GSTCD: variants seen among roughly 807,000 people sequenced by gnomAD.
GSTCD encodes the protein glutathione S-transferase C-terminal domain containing.
In GSTCD, 44 loss-of-function variants were observed where a neutral mutation model predicts 68.3. That is an observed-to-expected ratio of 0.64 (90% CI 0.51 to 0.83). GSTCD has a LOEUF of 0.83. Ranked by LOEUF, GSTCD falls within the 40% of genes least tolerant of loss-of-function variation. The pLI is 0.00. For synonymous variants in GSTCD, 273 were observed against 255.2 expected (o/e 1.07, Z -0.67); for missense variants, 739 against 735.9 (o/e 1.00, Z -0.05).
intron 7 of GSTCD, chr4:105,823,690 CAAAA>C (rs575003488): frequency 9.8e-5 from 10 of 101,844 alleles, no homozygotes; most frequent in South Asian, 6.0e-4. Context: ...TTTTTTAAAG[CAAAA>C]AAAAAAAAAA....
chr4:105,726,603 G>A lies in GSTCD; in HGVS notation c.919G>A (p.Glu307Lys). ...GGTAATTATCAGCAGGAAATTTTCT[G>A]AGAAGCTGGTAGAATTTCCATTGCT... is the stretch of plus-strand genomic sequence containing the variant. ...FLVIISRKFS[E>K]KLVEFPLLAS... Residue 307 changes from glutamate (E) to lysine (K), a missense_variant, in exon 4 of 12, where the codon GAG (glutamate) becomes AAG (lysine). Glu to Lys is a moderately conservative substitution (Grantham distance 56). Coordinates refer to ENST00000515279, the MANE Select transcript of GSTCD (RefSeq NM_001370181.1). 1.2e-6 allele frequency: 2 copies of A among 1,600,292 alleles called. No homozygotes were observed. Among genetic ancestry groups the A allele is most frequent in the Non-Finnish European group, 1.7e-6 (2 of 1,172,324 alleles).
At chr4:105,759,325 A>G (rs1223439603) in intron 5 of GSTCD, among the ~76,000 whole-genome samples, 10 of 151,980 alleles carry the variant, frequency 6.6e-5, no homozygotes, top group Non-Finnish European at 2.9e-5. Context: ...TATTATTATT[A>G]TTATTAAAAG....
At chr4:105,826,623 A>T (rs906479597) in intron 8 of GSTCD, among the ~76,000 whole-genome samples, 1 of 152,120 alleles carries the variant, frequency 6.6e-6, no homozygotes, top group Admixed American at 6.5e-5. Flanking sequence ...ATATGTGAAC[A>T]TTGTTAAGAC....
At chr4:105,736,415 T>C (rs1217102262) in intron 5 of GSTCD, among the ~76,000 whole-genome samples, 1 of 152,072 alleles carries the variant, frequency 6.6e-6, no homozygotes, top group African/African-American at 2.4e-5. Flanking sequence ...AGCATTGGTT[T>C]TTCAGCTTCA....
At chr4:105,807,069 T>A (rs1204650158) in intron 5 of GSTCD, 1 of 152,160 alleles carries the variant, frequency 6.6e-6, no homozygotes, top group African/African-American at 2.4e-5. Context: ...TTCCTCTACT[T>A]TCTTCTTCCA....
In GSTCD at chr4:105,845,828, A is replaced by G; in HGVS notation, c.*251A>G. On this transcript the variant is annotated 3_prime_UTR_variant, in exon 12 of 12. Transcript: ENST00000515279. ...CCCCTGAAGTCTCAGCTGCCAAAAG[A>G]ATAATACTAGTGGAGGTTCCATCAC... 2 of 452,968 alleles carry G rather than the reference A, an allele frequency of 4.4e-6. No homozygotes were observed. Among genetic ancestry groups the G allele is most frequent in the Non-Finnish European group, 8.1e-6 (2 of 248,270 alleles). The allele number at this position is 452,968 out of a possible 1,614,324, so 28.1% of individuals were successfully genotyped here. A position where few individuals can be genotyped will look rare whatever the true frequency, so the allele number is the denominator to read the frequency against.
intron 5 of GSTCD, among the ~76,000 whole-genome samples, chr4:105,807,909 A>G (rs915992216): frequency 2.6e-5 from 4 of 152,128 alleles, no homozygotes; most frequent in Admixed American, 6.6e-5. Context: ...GATGATTTCT[A>G]TGCAAATCAG....
At chr4:105,794,751 T>C (rs575406275) in intron 5 of GSTCD, among the ~76,000 whole-genome samples, 5 of 152,002 alleles carry the variant, frequency 3.3e-5, no homozygotes, top group African/African-American at 1.2e-4. Flanking sequence ...GTCTTTTGCA[T>C]TTCCAAAATT....
Position 105,726,799 on chromosome 4 carries a change from G to T in GSTCD, c.1115G>T (p.Gly372Val), listed in dbSNP as rs1438944293. The change falls in exon 4 of 12, where the codon GGA becomes GTA. Residue 372 changes from glycine (G) to valine (V), a missense_variant. By Grantham distance (109) the Gly-to-Val change is moderately radical. Coordinates refer to ENST00000515279, the MANE Select transcript of GSTCD (RefSeq NM_001370181.1). ...GAGCAAAGCGATCCTTTATTTATAG[G>T]AGGACCAAGACCAACCATGGCCAAG... ...VEEQSDPLFI[G>V]GPRPTMAKLM... 6.2e-7 allele frequency: 1 copy of T among 1,613,090 alleles called. No homozygotes were observed. Among genetic ancestry groups the T allele is most frequent in the South Asian group, 1.1e-5 (1 of 90,910 alleles).
rs557710305 is a variant in GSTCD, at chr4:105,749,255, T to G, written c.1240+19756T>G. 4.6e-5 allele frequency among the ~76,000 whole-genome samples: 7 copies of G among 152,126 alleles called. No individual in the cohort carries two copies. In the South Asian group the frequency reaches 1.2e-3, roughly 27 times the overall value. ...TATTATTTAAATTTTAAAAGGTTTTTAAAAATTTCACGTGAAGTAACACAT... is the reference window on the plus strand; with the variant it reads ...TATTATTTAAATTTTAAAAGGTTTTGAAAAATTTCACGTGAAGTAACACAT... On this transcript the variant is annotated intron_variant, in intron 5 of 11. Coordinates refer to ENST00000515279, the MANE Select transcript of GSTCD (RefSeq NM_001370181.1).
At chr4:105,742,950 C>T (rs1485297294) in intron 5 of GSTCD, among the ~76,000 whole-genome samples, 2 of 150,132 alleles carry the variant, frequency 1.3e-5, no homozygotes, top group African/African-American at 2.4e-5. Flanking sequence ...TAATTTCTCT[C>T]TCTTTTTTTT....
At chr4:105,769,271 A>G (rs928436726) in intron 5 of GSTCD, among the ~76,000 whole-genome samples, 1 of 126,594 alleles carries the variant, frequency 7.9e-6, no homozygotes, top group Non-Finnish European at 1.7e-5. Context: ...ACACACACAC[A>G]CACCACTTTT....
At chr4:105,774,137 TGTTA>T (rs544410698) in intron 5 of GSTCD, among the ~76,000 whole-genome samples, 241 of 152,338 alleles carry the variant, frequency 1.6e-3, no homozygotes, top group Non-Finnish European at 2.6e-3. Flanking sequence ...TTTTGATCTT[TGTTA>T]GTTAAAGTCA....
chr4:105,733,564 T>A (rs891716671), intron 5 of GSTCD, among the ~76,000 whole-genome samples: 1 of 152,216 alleles, frequency 6.6e-6, no homozygotes, highest in Non-Finnish European at 1.5e-5. Context: ...ATCCCTTTAT[T>A]TTGAGCCTAT....
At position 105,756,539 on chromosome 4, in the gene GSTCD, T is replaced by C. The variant is rs540118745; in HGVS notation, c.1240+27040T>C. On this transcript the variant is annotated intron_variant, in intron 5 of 11. Coordinates refer to ENST00000515279, the MANE Select transcript of GSTCD (RefSeq NM_001370181.1). ...ACACACACACACACGTATATACATA[T>C]ATACGCATACATATATGTATATATA... 1.3e-4 allele frequency among the ~76,000 whole-genome samples: 19 copies of C among 146,430 alleles called. No homozygotes were observed. The East Asian group carries it at 3.8e-3, about 30-fold the overall frequency.
Position 105,719,434 on chromosome 4 carries a change from C to A in GSTCD, c.801C>A (p.Ala267=), listed in dbSNP as rs774926084. 49 of 1,614,056 alleles carry A rather than the reference C, an allele frequency of 3.0e-5. No individual in the cohort carries two copies. Among genetic ancestry groups the A allele is most frequent in the Non-Finnish European group, 4.0e-5 (47 of 1,179,966 alleles). ...CTTCTCACATCAGAAAAGCAAAAGC[C>A]TCCGACCTTCCACCTCTGGAGCATG... ...REPSHIRKAK[A]SDLPPLEHVF... Residue 267 remains alanine (A), a synonymous_variant, in exon 3 of 12, where the codon GCC becomes GCA. Coordinates refer to ENST00000515279, the MANE Select transcript of GSTCD (RefSeq NM_001370181.1).
chr4:105,832,610 C>T (rs927532661), intron 8 of GSTCD, among the ~76,000 whole-genome samples: 2 of 152,088 alleles, frequency 1.3e-5, no homozygotes, highest in African/African-American at 4.8e-5. Context: ...GCATCCTGCC[C>T]CTCAGTAGCT....
rs143154596 is a variant in GSTCD, at chr4:105,802,468, T to A, written c.1241-20486T>A. Among the ~76,000 whole-genome samples, 328 of 152,204 alleles carry A rather than the reference T, an allele frequency of 2.2e-3. 2 individuals are homozygous for A. Among genetic ancestry groups the A allele is most frequent in the East Asian group, 8.9e-3 (46 of 5,188 alleles). The stretch of plus-strand genomic sequence containing the variant: ...CTTAGGATACCTAAAGGCAGTAGAA[T>A]CTTTTTGTTTGTTATTTTTACCATA... On this transcript the variant is annotated intron_variant, in intron 5 of 11. Coordinates refer to ENST00000515279, the MANE Select transcript of GSTCD (RefSeq NM_001370181.1).
intron 3 of GSTCD, among the ~76,000 whole-genome samples, chr4:105,725,174 T>C (rs1324709784): frequency 2.6e-5 from 4 of 152,150 alleles, no homozygotes; most frequent in African/African-American, 9.6e-5. Context: ...TTTGGAATTA[T>C]TGTATTCTTC....
Sources: gnomAD v4.1 joint callset for allele counts (sites outside exome capture counted in the v4.1 genomes callset) on GRCh38, gnomAD v4.1.1 for gene constraint, MANE v1.5 for transcripts, NCBI Gene and HGNC (gene_info 2026-07-23, HGNC 2026-07-21) for gene names.